Variants in SIPA1L3 observed in about 807,000 individuals in gnomAD.
The protein encoded by SIPA1L3 is signal induced proliferation associated 1 like 3.
A neutral mutation model predicts 150.1 loss-of-function variants in SIPA1L3; 59 were observed. The observed-to-expected ratio is 0.39, with a 90% CI of 0.32 to 0.49. The LOEUF (loss-of-function observed/expected upper bound fraction) is 0.49, where lower values mean the gene tolerates loss of function less well. Among genes scored for constraint, SIPA1L3 ranks in the 20% least tolerant of loss-of-function variants. SIPA1L3 has a pLI of 0.86. For missense variants in SIPA1L3, 2,211 were observed against 2,489.5 expected (o/e 0.89, Z 2.38); for synonymous variants, 1,070 against 1,077.6 (o/e 0.99, Z 0.14).
At chr19:38,086,828 G>A (rs1970142460) in intron 3 of SIPA1L3, among the ~76,000 whole-genome samples, 1 of 152,226 alleles carries the variant, frequency 6.6e-6, no homozygotes. Flanking sequence ...GCGTAGTCAA[G>A]TAGGAATTTA....
At chr19:38,085,436 C>T (rs1600042209) in intron 3 of SIPA1L3, among the ~76,000 whole-genome samples, 3 of 147,782 alleles carry the variant, frequency 2.0e-5, no homozygotes, top group South Asian at 4.3e-4. Context: ...GCCGAGATCG[C>T]GCCACTGCGC....
intron 9 of SIPA1L3, among the ~76,000 whole-genome samples, chr19:38,126,772 GTGATC>G (rs1448735996): frequency 6.6e-6 from 1 of 152,046 alleles, no homozygotes; most frequent in Non-Finnish European, 1.5e-5. Flanking sequence ...CTGACCTGAG[GTGATC>G]TGCCCACCTC....
At chr19:37,998,060 T>TAA (rs941103344) in intron 1 of SIPA1L3, among the ~76,000 whole-genome samples, 2 of 152,166 alleles carry the variant, frequency 1.3e-5, no homozygotes, top group Non-Finnish European at 2.9e-5. Context: ...CAAGTAGCTT[T>TAA]ACCTCTCTGT....
chr19:38,199,998 G>A (rs1386817929), intron 19 of SIPA1L3: 2 of 152,156 alleles, frequency 1.3e-5, no homozygotes, highest in Non-Finnish European at 2.9e-5. Flanking sequence ...GGAGGTCAAG[G>A]TAGGAGGATG....
At chr19:38,147,977 A>AT (rs1172377667) in intron 12 of SIPA1L3, among the ~76,000 whole-genome samples, 1 of 152,006 alleles carries the variant, frequency 6.6e-6, no homozygotes, top group Admixed American at 6.6e-5. Context: ...CGGGCTGTCA[A>AT]GGCTTCAGTG....
chr19:38,015,659 G>A (rs1274854915), intron 1 of SIPA1L3, among the ~76,000 whole-genome samples: 1 of 145,670 alleles, frequency 6.9e-6, no homozygotes, highest in Non-Finnish European at 1.5e-5. Context: ...GGGAGGTCAA[G>A]GTTGCAGTGA....
At position 37,933,242 on chromosome 19, in the gene SIPA1L3, C is replaced by T. The variant is rs550055792; in HGVS notation, c.-379+25884C>T. Among the ~76,000 whole-genome samples the T allele has an allele frequency of 6.6e-5, 10 of 151,986 alleles. No homozygotes were observed. The South Asian group carries it at 1.7e-3, about 25-fold the overall frequency. ...CACTGGCCTCCTGCTGTTCCTCCCT[C>T]GGAGACTTTGCCCTGGCTGTTCCCT... On this transcript the variant is annotated intron_variant, in intron 1 of 21. Coordinates refer to ENST00000222345, the MANE Select transcript of SIPA1L3 (RefSeq NM_015073.3).
At chr19:38,032,424 A>C (rs145176668) in intron 2 of SIPA1L3, among the ~76,000 whole-genome samples, 12 of 152,286 alleles carry the variant, frequency 7.9e-5, no homozygotes, top group Non-Finnish European at 1.3e-4. Flanking sequence ...TCACTCAGCA[A>C]ATATGCATTT....
In SIPA1L3 at chr19:38,101,169, G is replaced by C. The variant is rs753399028; in HGVS notation, c.1972G>C (p.Gly658Arg). The C allele has an allele frequency of 6.2e-7, 1 of 1,608,774 alleles. No individual in the cohort carries two copies. ...PAFEEFLSLI[G>R]EKVCLKGFTK... is the part of the protein sequence containing the mutation. ...CTTTGAGGAGTTCCTCTCCCTCATC[G>C]GCGAGAAGGTCTGCCTGAAGGGCTT... Residue 658 changes from glycine to arginine, a missense_variant, in exon 6 of 22, where the codon GGC becomes CGC. By Grantham distance (125) the Gly-to-Arg change is moderately radical. Transcript: ENST00000222345.
chr19:38,022,110 G>A (rs1568505889), intron 1 of SIPA1L3, among the ~76,000 whole-genome samples: 1 of 152,174 alleles, frequency 6.6e-6, no homozygotes. Flanking sequence ...AGCCAGACCC[G>A]CTGGGTTCAA....
intron 5 of SIPA1L3, 84 bp downstream of exon 5, chr19:38,100,234 TTTC>T: frequency 9.3e-7 from 1 of 1,077,520 alleles, no homozygotes; most frequent in Non-Finnish European, 1.3e-6. Flanking sequence ...TCTTGGTCAC[TTTC>T]TTTTTTCTTT....
chr19:38,034,531 G>C (rs568599156), intron 2 of SIPA1L3, among the ~76,000 whole-genome samples: 2 of 152,120 alleles, frequency 1.3e-5, no homozygotes, highest in South Asian at 2.1e-4. Context: ...GGGTGCGGGG[G>C]GTGGGGTACA....
At chr19:38,154,728 G>T (rs1971905436) in intron 13 of SIPA1L3, among the ~76,000 whole-genome samples, 1 of 151,560 alleles carries the variant, frequency 6.6e-6, no homozygotes, top group Non-Finnish European at 1.5e-5. Flanking sequence ...TTACAGGCGT[G>T]AGCCACCGCA....
intron 1 of SIPA1L3, among the ~76,000 whole-genome samples, chr19:37,911,306 C>T (rs1256534733): frequency 6.6e-6 from 1 of 151,600 alleles, no homozygotes. Context: ...TACCATTCCC[C>T]AAAAAAGGAG....
Position 38,064,111 on chromosome 19 carries a change from T to G in SIPA1L3, c.-310-17145T>G, listed in dbSNP as rs560675425. Among the ~76,000 whole-genome samples, 7 of 152,350 alleles carry G rather than the reference T, an allele frequency of 4.6e-5. No individual in the cohort carries two copies. The East Asian group carries it at 1.4e-3, about 29-fold the overall frequency. On this transcript the variant is annotated intron_variant, in intron 2 of 21. Transcript: ENST00000222345. ...TACTCCAAGAAGCATCCCATTCCACTTCTGCATTTCAAAGGCTCATTAGAG... is the reference window on the plus strand; with the variant it reads ...TACTCCAAGAAGCATCCCATTCCACGTCTGCATTTCAAAGGCTCATTAGAG...
At chr19:37,936,351 A>C (rs1014007836) in intron 1 of SIPA1L3, among the ~76,000 whole-genome samples, 1 of 152,202 alleles carries the variant, frequency 6.6e-6, no homozygotes, top group African/African-American at 2.4e-5. Context: ...GTGGGTAAAC[A>C]GAGACAGCAT....
rs1014541667 is a variant in SIPA1L3, at chr19:38,100,109, C to A, written c.1813C>A (p.Pro605Thr). 2 of 1,601,570 alleles carry A rather than the reference C, an allele frequency of 1.2e-6. No homozygotes were observed. The highest frequency in any genetic ancestry group is 1.7e-6 in the Non-Finnish European group (2 of 1,175,282). The change falls in exon 5 of 22, where the codon CCC (proline) becomes ACC (threonine). Residue 605 changes from proline to threonine, a missense_variant. By Grantham distance (38) the Pro-to-Thr change is conservative (BLOSUM62 -1). This residue lies in a region of SIPA1L3 where 625 missense variants were observed against 804.2 expected (regional missense o/e 0.78). Coordinates refer to ENST00000222345, the MANE Select transcript of SIPA1L3 (RefSeq NM_015073.3). ...CTGCCTGCGGCTGGCCCTCAACACCCCCAAGGTGACGGAGCAACTGCTGAA... is the reference window on the plus strand; with the variant it reads ...CTGCCTGCGGCTGGCCCTCAACACCACCAAGGTGACGGAGCAACTGCTGAA... The part of the protein sequence containing the change: ...IHCLRLALNT[P>T]KVTEQLLKLD...
chr19:38,040,953 C>T (rs1013073437), intron 2 of SIPA1L3, among the ~76,000 whole-genome samples: 25 of 151,804 alleles, frequency 1.6e-4, no homozygotes, highest in African/African-American at 5.1e-4. Context: ...TTAGTAGAGA[C>T]GGGGTTTCAC....
chr19:38,162,184 G>C (rs1235337433), intron 13 of SIPA1L3, 69 bp from the exon 14 acceptor site: 8 of 1,222,410 alleles, frequency 6.5e-6, no homozygotes, highest in Non-Finnish European at 2.4e-6. Context: ...GTCTGGCAAA[G>C]GGTCCAGATT....
Sources: gnomAD v4.1 joint callset for allele counts (sites outside exome capture counted in the v4.1 genomes callset) on GRCh38, gnomAD v4.1.1 for gene constraint, gnomAD v4.1.1 regional missense constraint, MANE v1.5 for transcripts, NCBI Gene and HGNC (gene_info 2026-07-23, HGNC 2026-07-21) for gene names.